Variants in NFIB observed in about 807,000 individuals in gnomAD.
NFIB encodes the protein nuclear factor 1 B-type.
A neutral mutation model predicts 61.5 loss-of-function variants in NFIB; 11 were observed. That is an observed-to-expected ratio of 0.18 (90% confidence interval 0.11 to 0.30). The LOEUF is 0.30. NFIB is among the 10% of genes least tolerant of loss of function. The probability of loss-of-function intolerance (pLI) is 1.00; values close to 1 mark genes in which losing one functional copy is unlikely to be tolerated. For missense variants in NFIB, 471 were observed against 608.9 expected, an observed-to-expected ratio of 0.77 and a Z score of 2.38; for synonymous variants, 260 against 216.5, an observed-to-expected ratio of 1.20 and a Z score of -1.76.
intron 10 of NFIB, among the ~76,000 whole-genome samples, chr9:14,090,588 T>C (rs577898155): frequency 6.6e-6 from 1 of 152,238 alleles, no homozygotes; most frequent in African/African-American, 2.4e-5. Context: ...TAGCTGGTGC[T>C]ATTTCTTAAC....
At chr9:14,138,151 G>A (rs1025736684) in intron 6 of NFIB, among the ~76,000 whole-genome samples, 2 of 152,078 alleles carry the variant, frequency 1.3e-5, no homozygotes, top group African/African-American at 4.8e-5. Context: ...GATCAGTTTA[G>A]TAAGCTGTAA....
rs35029845 is a variant in NFIB, at chr9:14,082,668, GTTT to G, written c.*5638_*5640del. 4.6e-5 allele frequency: 8 copies of G among 174,992 alleles called. No homozygotes were observed. Among genetic ancestry groups the G allele is most frequent in the South Asian group, 4.2e-4 (2 of 4,778 alleles). The allele number at this position is 174,992 out of a possible 1,614,324, so 10.8% of individuals were successfully genotyped here. On this transcript the variant is annotated 3_prime_UTR_variant, in exon 11 of 11. Transcript: ENST00000380953. ...GAGTTTTTTGGTAAACATTTTGCTG[GTTT>G]TTTTTTTTTGTTTGTTTCTTTCTTG...
At chr9:14,437,637 T>C in the NFIB span, among the ~76,000 whole-genome samples, 4 of 152,218 alleles carry the variant, frequency 2.6e-5, no homozygotes, top group African/African-American at 4.8e-5. Context: ...TGGTTGTTTA[T>C]AATGGATTCT....
At chr9:14,232,738 C>T (rs933396147) in intron 2 of NFIB, among the ~76,000 whole-genome samples, 1 of 152,156 alleles carries the variant, frequency 6.6e-6, no homozygotes, top group Admixed American at 6.5e-5. Context: ...TTCTATGACT[C>T]TTAAGTGATT....
At chr9:14,103,091 T>C (rs2036013339) in intron 10 of NFIB, among the ~76,000 whole-genome samples, 1 of 152,218 alleles carries the variant, frequency 6.6e-6, no homozygotes, top group Non-Finnish European at 1.5e-5. Context: ...TAAGCATTTC[T>C]AGTTTTATTT....
At chr9:14,493,756 T>C in the NFIB span, among the ~76,000 whole-genome samples, 3 of 152,218 alleles carry the variant, frequency 2.0e-5, no homozygotes, top group East Asian at 5.8e-4. Flanking sequence ...TTACAAAATA[T>C]GAAAGACTTT....
At chr9:14,367,089 A>G (rs2061309202) in intron 1 of NFIB, among the ~76,000 whole-genome samples, 1 of 152,158 alleles carries the variant, frequency 6.6e-6, no homozygotes, top group Non-Finnish European at 1.5e-5. Context: ...TGATAATGAC[A>G]TTGGATTCAA....
intron 2 of NFIB, among the ~76,000 whole-genome samples, chr9:14,272,686 T>G (rs113978492): frequency 1.3e-5 from 1 of 77,564 alleles, no homozygotes; most frequent in African/African-American, 5.2e-5. Context: ...CTATAATCAA[T>G]TCTCGCAAAA....
chr9:14,404,352 A>T, the NFIB span, among the ~76,000 whole-genome samples: 2 of 152,200 alleles, frequency 1.3e-5, no homozygotes, highest in African/African-American at 4.8e-5. Context: ...TGGCAGTGGG[A>T]TGCTGTGGTG....
At chr9:14,482,201 C>A in the NFIB span, among the ~76,000 whole-genome samples, 1 of 152,106 alleles carries the variant, frequency 6.6e-6, no homozygotes, top group Non-Finnish European at 1.5e-5. Context: ...AATCCCATCT[C>A]TGTTAAACTT....
Position 14,087,456 on chromosome 9 carries a change from T to C in NFIB, c.*853A>G. Reference sequence around the variant, plus strand: ...CACTTGCCTCTGTTAAGTGTTTCTTTTGTGGGGAAAATATTATATTAATTT... The same window carrying C: ...CACTTGCCTCTGTTAAGTGTTTCTTCTGTGGGGAAAATATTATATTAATTT... On this transcript the variant is annotated 3_prime_UTR_variant, in exon 11 of 11. Transcript: ENST00000380953. 4.5e-6 allele frequency: 1 copy of C among 220,682 alleles called. No homozygotes were observed. Among genetic ancestry groups the C allele is most frequent in the East Asian group, 6.6e-5 (1 of 15,214 alleles). 13.7% of individuals were successfully genotyped at this position (220,682 alleles called of 1,614,324 possible).
Position 14,348,845 on chromosome 9 carries a change from C to G in NFIB, c.109-41325G>C, listed in dbSNP as rs988526502. 2.6e-5 allele frequency among the ~76,000 whole-genome samples: 4 copies of G among 152,232 alleles called. 1 individual carries two copies. The stretch of plus-strand genomic sequence containing the variant: ...CTGGCTGCGGAGATGGGCCCAAACT[C>G]GGCACGATTCTCTAAGTTCGGAAAC... On this transcript the variant is annotated intron_variant, in intron 1 of 8. Transcript: ENST00000380934.
chr9:14,204,722 A>G (rs550482725), intron 2 of NFIB: 16 of 590,948 alleles, frequency 2.7e-5, no homozygotes, highest in South Asian at 5.7e-5. Flanking sequence ...GATTGCATAC[A>G]ACATGGATCC....
chr9:14,400,509 T>C (rs1425733543), upstream of NFIB, among the ~76,000 whole-genome samples: 1 of 152,174 alleles, frequency 6.6e-6, no homozygotes, highest in Non-Finnish European at 1.5e-5. Context: ...ATACATTCTA[T>C]CCATGCTGAG....
At chr9:14,260,429 C>T (rs1334769843) in intron 2 of NFIB, among the ~76,000 whole-genome samples, 2 of 152,152 alleles carry the variant, frequency 1.3e-5, no homozygotes, top group African/African-American at 2.4e-5. Context: ...CATGTTCTTA[C>T]TTAGTTTATG....
intron 10 of NFIB, among the ~76,000 whole-genome samples, chr9:14,092,209 G>C (rs191814069): frequency 1.3e-5 from 2 of 152,204 alleles, no homozygotes; most frequent in East Asian, 3.9e-4. Flanking sequence ...GCTAAGGGTA[G>C]ACAGGGAAGA....
chr9:14,364,251 G>C (rs62532821), intron 1 of NFIB, among the ~76,000 whole-genome samples: 6,540 of 152,250 alleles, frequency 0.043, 172 homozygotes, highest in African/African-American at 0.073. Flanking sequence ...TCTGAAGTGA[G>C]TTAGGAGTTA....
At chr9:14,237,940 T>C (rs2053959690) in intron 2 of NFIB, among the ~76,000 whole-genome samples, 1 of 148,510 alleles carries the variant, frequency 6.7e-6, no homozygotes, top group Non-Finnish European at 1.5e-5. Context: ...ATCAAAGTCC[T>C]AACCCACATG....
At chr9:14,430,657 C>T in the NFIB span, among the ~76,000 whole-genome samples, 1 of 152,212 alleles carries the variant, frequency 6.6e-6, no homozygotes, top group African/African-American at 2.4e-5. Context: ...TCTCAGCTTA[C>T]TGCAACCTCT....
Sources: allele counts gnomAD v4.1 joint callset (sites outside exome capture counted in the v4.1 genomes callset), GRCh38; gene constraint gnomAD v4.1.1; transcripts MANE v1.5; gene names NCBI Gene and HGNC (gene_info 2026-07-23, HGNC 2026-07-21).